Variants in SPATA12 observed in about 807,000 individuals in gnomAD.
The protein encoded by SPATA12 is spermatogenesis-associated protein 12.
For synonymous variants in SPATA12, 85 were observed against 89.2 expected (o/e 0.95, Z 0.26); for missense variants, 219 against 226.4 (o/e 0.97, Z 0.21).
At chr3:57,069,720 T>C (rs1444579062) in intron 1 of SPATA12, among the ~76,000 whole-genome samples, 3 of 152,206 alleles carry the variant, frequency 2.0e-5, no homozygotes, top group African/African-American at 7.2e-5. Flanking sequence ...GCACAGCTCA[T>C]TGCAGCGTCA....
At chr3:57,061,234 CTCATGTAGCATAATACTT>C (rs1579193029) in intron 1 of SPATA12, among the ~76,000 whole-genome samples, 1 of 152,158 alleles carries the variant, frequency 6.6e-6, no homozygotes. Flanking sequence ...ACTGACTTTT[CTCATGTAGCATAATACTT>C]TCATGGATCA....
chr3:57,074,327 T>C lies in SPATA12; in HGVS notation c.*60T>C, dbSNP rs890165786. On this transcript the variant is annotated 3_prime_UTR_variant, in exon 2 of 2. Coordinates refer to ENST00000334325, the MANE Select transcript of SPATA12 (RefSeq NM_181727.2). ...AGCTGTTTGTCTGGGCCTTTGCACA[T>C]GCTATGCCCTCCCTTCCATCCCCCA... The C allele has an allele frequency of 1.4e-6, 2 of 1,451,302 alleles. No individual in the cohort carries two copies. Among genetic ancestry groups the C allele is most frequent in the African/African-American group, 1.4e-5 (1 of 71,718 alleles). 89.9% of individuals were successfully genotyped at this position (1,451,302 alleles called of 1,614,324 possible).
intron 1 of SPATA12, among the ~76,000 whole-genome samples, chr3:57,065,272 G>A (rs1056040994): frequency 1.3e-5 from 2 of 152,180 alleles, no homozygotes; most frequent in South Asian, 4.1e-4. Flanking sequence ...CACCAGCCTG[G>A]CCAACATGGT....
chr3:57,061,275 A>G (rs917211410), intron 1 of SPATA12, among the ~76,000 whole-genome samples: 8 of 152,092 alleles, frequency 5.3e-5, no homozygotes, highest in African/African-American at 1.9e-4. Context: ...ATGTTGTAGC[A>G]TGTGTCAAAA....
Position 57,068,652 on chromosome 3 carries a change from C to T in SPATA12, c.-329-4714C>T, listed in dbSNP as rs116926320. 5.8e-4 allele frequency among the ~76,000 whole-genome samples: 88 copies of T among 152,296 alleles called. 2 individuals carry two copies. In the East Asian group the frequency reaches 0.015, roughly 26 times the overall value. On this transcript the variant is annotated intron_variant, in intron 1 of 1. Transcript: ENST00000334325. Reference sequence around the variant, plus strand: ...GCTGGAGAGAAACAGTCCTCCCCACCCCCTTGGGAGATGTGTCATAGAGAT... The same window carrying T: ...GCTGGAGAGAAACAGTCCTCCCCACTCCCTTGGGAGATGTGTCATAGAGAT...
At chr3:57,072,061 A>G (rs1415099223) in intron 1 of SPATA12, among the ~76,000 whole-genome samples, 1 of 152,252 alleles carries the variant, frequency 6.6e-6, no homozygotes, top group East Asian at 1.9e-4. Context: ...AATCAAAGTC[A>G]CAATGAGATG....
intron 1 of SPATA12, among the ~76,000 whole-genome samples, chr3:57,061,271 T>C (rs906122474): frequency 6.6e-6 from 1 of 152,216 alleles, no homozygotes; most frequent in Non-Finnish European, 1.5e-5. Context: ...CAGCATGTTG[T>C]AGCATGTGTC....
At chr3:57,061,977 C>T (rs980121283) in intron 1 of SPATA12, among the ~76,000 whole-genome samples, 1 of 152,282 alleles carries the variant, frequency 6.6e-6, no homozygotes, top group African/African-American at 2.4e-5. Context: ...CAAGCATTTT[C>T]TGCCCTGAAT....
intron 1 of SPATA12, among the ~76,000 whole-genome samples, chr3:57,062,333 C>A (rs535778566): frequency 6.6e-6 from 1 of 152,152 alleles, no homozygotes; most frequent in Non-Finnish European, 1.5e-5. Flanking sequence ...CACAGCCTGG[C>A]AAGGGTGGCT....
intron 1 of SPATA12, among the ~76,000 whole-genome samples, chr3:57,068,330 C>T (rs79653423): frequency 0.026 from 3,997 of 152,196 alleles, 81 homozygotes; most frequent in Non-Finnish European, 0.037. Context: ...AAAGGTAATA[C>T]GTTCATTTTC....
intron 1 of SPATA12, among the ~76,000 whole-genome samples, chr3:57,065,233 G>A (rs1004821320): frequency 3.3e-5 from 5 of 152,262 alleles, no homozygotes; most frequent in East Asian, 1.9e-4. Flanking sequence ...AGGCCGAGGC[G>A]GGCAGATAAC....
At chr3:57,062,992 T>C (rs1286442071) in intron 1 of SPATA12, among the ~76,000 whole-genome samples, 2 of 152,038 alleles carry the variant, frequency 1.3e-5, no homozygotes, top group African/African-American at 2.4e-5. Context: ...ACACCTTATA[T>C]TGGATAACGA....
chr3:57,073,962 A>G lies in SPATA12; in HGVS notation c.268A>G (p.Ile90Val). 6.2e-7 allele frequency: 1 copy of G among 1,614,244 alleles called. No individual in the cohort carries two copies. The highest frequency in any genetic ancestry group is 8.5e-7 in the Non-Finnish European group (1 of 1,180,038). ...CTGTCAGAGATATTTACAAGCAGCC[A>G]TCTCTCTTGACATCGCTGTATCCCA... ...ETCQRYLQAAISLDIAVSQIN... is the reference protein window; with the variant it reads ...ETCQRYLQAAVSLDIAVSQIN... The change falls in exon 2 of 2, where the codon ATC becomes GTC. Residue 90 changes from isoleucine (I) to valine (V), a missense_variant. Transcript: ENST00000334325.
In SPATA12 at chr3:57,074,160, A is replaced by G. The variant is rs749436800; in HGVS notation, c.466A>G (p.Ser156Gly). 4 of 1,614,208 alleles carry G rather than the reference A, an allele frequency of 2.5e-6. No homozygotes were observed. The highest frequency in any genetic ancestry group is 1.1e-5 in the South Asian group (1 of 91,082). The change falls in exon 2 of 2, where the codon AGT (serine) becomes GGT (glycine). Residue 156 changes from serine to glycine, a missense_variant. Transcript: ENST00000334325. ...GTGTGAGGATATAGATGCCGAGCCC[A>G]GTAGCACAGGGTGCAGCCGTTCAAA... The part of the protein sequence containing the change: ...RLCEDIDAEP[S>G]STGCSRSNQL...
At chr3:57,071,547 C>A (rs1705903862) in intron 1 of SPATA12, among the ~76,000 whole-genome samples, 1 of 151,590 alleles carries the variant, frequency 6.6e-6, no homozygotes, top group Non-Finnish European at 1.5e-5. Context: ...GTAGTCCCAG[C>A]TACTTGAGAG....
chr3:57,064,165 A>G (rs1705392428), intron 1 of SPATA12, among the ~76,000 whole-genome samples: 1 of 152,086 alleles, frequency 6.6e-6, no homozygotes, highest in Non-Finnish European at 1.5e-5. Flanking sequence ...GCTAACCCGG[A>G]AGCTGAGGTC....
intron 1 of SPATA12, among the ~76,000 whole-genome samples, chr3:57,068,010 A>G (rs975840463): frequency 6.6e-6 from 1 of 151,822 alleles, no homozygotes; most frequent in Non-Finnish European, 1.5e-5. Context: ...AAAACAAACA[A>G]ACAACAACAA....
At chr3:57,062,254 C>A (rs1027535353) in intron 1 of SPATA12, among the ~76,000 whole-genome samples, 8 of 152,230 alleles carry the variant, frequency 5.3e-5, no homozygotes, top group African/African-American at 1.9e-4. Context: ...ACTGCTCTAG[C>A]GCTGGGTGAG....
At position 57,067,587 on chromosome 3, in the gene SPATA12, C is replaced by G. The variant is rs577478825; in HGVS notation, c.-329-5779C>G. On this transcript the variant is annotated intron_variant, in intron 1 of 1. Coordinates refer to ENST00000334325, the MANE Select transcript of SPATA12 (RefSeq NM_181727.2). ...CAGTGGCTCACACCTGTAATCCCAG[C>G]ACACTGGGAGGCTGAGGCCAGAAAA... Among the ~76,000 whole-genome samples the G allele has an allele frequency of 7.9e-5, 12 of 151,092 alleles. No homozygotes were observed. In the East Asian group the frequency reaches 2.3e-3, roughly 29 times the overall value.
Sources: allele counts gnomAD v4.1 joint callset (sites outside exome capture counted in the v4.1 genomes callset), GRCh38; gene constraint gnomAD v4.1.1; transcripts MANE v1.5; gene names NCBI Gene and HGNC (gene_info 2026-07-23, HGNC 2026-07-21).